Variants in SLC36A1 observed in about 807,000 individuals in gnomAD.
The protein encoded by SLC36A1 is solute carrier family 36 member 1, also known as proton-coupled amino acid transporter 1.
In SLC36A1, 30 loss-of-function variants were observed where a neutral mutation model predicts 47.5. That is an observed-to-expected ratio of 0.63 (90% CI 0.47 to 0.86). The LOEUF (loss-of-function observed/expected upper bound fraction) is 0.86. Among genes scored for constraint, SLC36A1 ranks in the 40% least tolerant of loss-of-function variants. The pLI is 0.00. For synonymous variants in SLC36A1, 255 were observed against 249.7 expected (o/e 1.02, Z -0.20); for missense variants, 517 against 606.0 (o/e 0.85, Z 1.54).
the SLC36A1 span, among the ~76,000 whole-genome samples, chr5:151,518,940 C>T: frequency 2.6e-5 from 4 of 152,110 alleles, no homozygotes; most frequent in African/African-American, 4.8e-5. Flanking sequence ...AGAGGATGAG[C>T]GGTCCAGCCT....
At chr5:151,417,609 CAA>C in the SLC36A1 span, among the ~76,000 whole-genome samples, 1 of 152,134 alleles carries the variant, frequency 6.6e-6, no homozygotes, top group Non-Finnish European at 1.5e-5. Context: ...GCAAAGCACT[CAA>C]GAGGTAACTA....
At chr5:151,405,332 C>CCT in the SLC36A1 span, among the ~76,000 whole-genome samples, 488 of 149,306 alleles carry the variant, frequency 3.3e-3, 6 homozygotes, top group African/African-American at 0.012. Context: ...TAAGTCTCTC[C>CCT]CTCTCTTTCT....
At chr5:151,403,467 ACCTCCC>A in the SLC36A1 span, among the ~76,000 whole-genome samples, 2 of 151,068 alleles carry the variant, frequency 1.3e-5, no homozygotes, top group Admixed American at 6.6e-5. Flanking sequence ...AGCGTGTGGC[ACCTCCC>A]CCTGCTCCCA....
the SLC36A1 span, among the ~76,000 whole-genome samples, chr5:151,383,016 G>T: frequency 6.6e-6 from 1 of 152,188 alleles, no homozygotes; most frequent in Admixed American, 6.5e-5. Context: ...CACCCACCTC[G>T]GCCTCCCAAA....
the SLC36A1 span, among the ~76,000 whole-genome samples, chr5:151,420,274 C>A: frequency 1.3e-5 from 2 of 152,202 alleles, no homozygotes; most frequent in Non-Finnish European, 2.9e-5. Flanking sequence ...AGGGCTCCAT[C>A]CTTCTGGAGC....
the SLC36A1 span, among the ~76,000 whole-genome samples, chr5:151,405,343 CTTTTT>C: frequency 4.7e-5 from 4 of 85,234 alleles, no homozygotes; most frequent in African/African-American, 1.0e-4. Flanking sequence ...CTCTCTTTCT[CTTTTT>C]TTTTTTTTTT....
chr5:151,472,461 C>A (rs573817563), intron 7 of SLC36A1, among the ~76,000 whole-genome samples: 1 of 152,250 alleles, frequency 6.6e-6, no homozygotes. Context: ...ACTTTGCCTC[C>A]TTCAGTGCAA....
At chr5:151,391,204 C>T in the SLC36A1 span, among the ~76,000 whole-genome samples, 2,293 of 151,492 alleles carry the variant, frequency 0.015, 23 homozygotes, top group African/African-American at 0.03. Flanking sequence ...ATTTGGCTCT[C>T]TGTCTGTTAT....
the SLC36A1 span, among the ~76,000 whole-genome samples, chr5:151,548,723 C>T: frequency 9.7e-3 from 1,474 of 152,162 alleles, 20 homozygotes; most frequent in African/African-American, 0.034. Flanking sequence ...TCAGGTGATC[C>T]GCCCGCCTCG....
chr5:151,538,944 C>A, the SLC36A1 span, among the ~76,000 whole-genome samples: 2 of 152,072 alleles, frequency 1.3e-5, no homozygotes, highest in African/African-American at 4.8e-5. Context: ...CCTCGGCCTC[C>A]CAAAGTGCTT....
chr5:151,533,437 C>CACAG, the SLC36A1 span, among the ~76,000 whole-genome samples: 36 of 150,502 alleles, frequency 2.4e-4, 1 homozygote, highest in African/African-American at 8.9e-4. Flanking sequence ...CACACACACA[C>CACAG]GCTTTCCAGG....
chr5:151,472,584 T>TTG (rs1263857106), intron 7 of SLC36A1, among the ~76,000 whole-genome samples: 3 of 152,108 alleles, frequency 2.0e-5, no homozygotes, highest in African/African-American at 7.2e-5. Context: ...AGCATTCTTT[T>TTG]TGCTCCTCCT....
At chr5:151,523,247 A>G in the SLC36A1 span, among the ~76,000 whole-genome samples, 1 of 152,112 alleles carries the variant, frequency 6.6e-6, no homozygotes, top group Non-Finnish European at 1.5e-5. Flanking sequence ...TGTATAGCTA[A>G]CATTAGTTAC....
chr5:151,517,531 ATGGGCTTC>A, the SLC36A1 span: 4 of 1,503,052 alleles, frequency 2.7e-6, no homozygotes, highest in Non-Finnish European at 3.7e-6. Context: ...TTTGGCAGAA[ATGGGCTTC>A]CTGACATTCC....
chr5:151,542,191 G>T, the SLC36A1 span: 1 of 1,241,690 alleles, frequency 8.1e-7, no homozygotes, highest in African/African-American at 1.5e-5. Flanking sequence ...GCTAATAAGT[G>T]GCAAATCCAG....
At chr5:151,361,990 T>C in the SLC36A1 span, among the ~76,000 whole-genome samples, 1 of 152,224 alleles carries the variant, frequency 6.6e-6, no homozygotes, top group Admixed American at 6.5e-5. Context: ...CTTGCTGCAT[T>C]TAGAATCCTC....
the SLC36A1 span, among the ~76,000 whole-genome samples, chr5:151,407,803 T>C: frequency 3.9e-5 from 6 of 152,160 alleles, no homozygotes; most frequent in African/African-American, 1.4e-4. Flanking sequence ...CCAGAGATGC[T>C]TAGGAAAGGA....
At chr5:151,512,216 T>C in the SLC36A1 span, 1 of 1,614,234 alleles carries the variant, frequency 6.2e-7, no homozygotes, top group Non-Finnish European at 8.5e-7. The surrounding 1 kb of genome is among the most constrained non-coding windows in gnomAD (Gnocchi z 4.1). Flanking sequence ...GTGTTCTGGC[T>C]GCAGTAGTCA....
chr5:151,452,297 AG>A (rs1753765651), intron 1 of SLC36A1: 1 of 152,226 alleles, frequency 6.6e-6, no homozygotes, highest in Non-Finnish European at 1.5e-5. Flanking sequence ...CCCTCACTGT[AG>A]ACCACACATA....
Sources: allele counts gnomAD v4.1 joint callset (sites outside exome capture counted in the v4.1 genomes callset), GRCh38; gene constraint gnomAD v4.1.1; non-coding constraint Gnocchi (gnomAD v3.1); transcripts MANE v1.5; gene names NCBI Gene and HGNC (gene_info 2026-07-23, HGNC 2026-07-21).